MCPH1: variants seen among roughly 807,000 people sequenced by gnomAD.
MCPH1 encodes the protein microcephalin 1, also known as microcephalin.
A neutral mutation model predicts 84.5 loss-of-function variants in MCPH1; 104 were observed. The observed-to-expected ratio is 1.23, with a 90% CI of 1.05 to 1.45. MCPH1 has a LOEUF of 1.45. Ranked by LOEUF, MCPH1 falls within the 40% of genes most tolerant of loss-of-function variation. MCPH1 has a pLI of 0.00. For missense variants in MCPH1, 1,498 were observed against 1,005.7 expected (o/e 1.49, Z -6.62); for synonymous variants, 514 against 366.8 (o/e 1.40, Z -4.58).
chr8:6,519,897 C>A (rs753656054), intron 12 of MCPH1: 1 of 1,614,040 alleles, frequency 6.2e-7, no homozygotes, highest in Non-Finnish European at 8.5e-7. Flanking sequence ...GGAATGTTAA[C>A]GTGTAGATGC....
chr8:6,569,485 C>T (rs1373071525), intron 12 of MCPH1, among the ~76,000 whole-genome samples: 1 of 152,128 alleles, frequency 6.6e-6, no homozygotes, highest in African/African-American at 2.4e-5. Context: ...ACAGTTCCAG[C>T]CATGGGATTT....
chr8:6,468,649 T>G (rs1430632960), intron 9 of MCPH1, among the ~76,000 whole-genome samples: 1,694 of 148,404 alleles, frequency 0.011, 34 homozygotes, highest in African/African-American at 0.042. Flanking sequence ...TTTTTTGGTT[T>G]TTTTTTTTTT....
chr8:6,549,685 G>A (rs922615702), intron 12 of MCPH1, among the ~76,000 whole-genome samples: 1 of 139,088 alleles, frequency 7.2e-6, no homozygotes, highest in Non-Finnish European at 1.5e-5. Flanking sequence ...GAAGCCTTCC[G>A]TATCGAGCTG....
intron 11 of MCPH1, among the ~76,000 whole-genome samples, chr8:6,496,786 A>G (rs903261540): frequency 2.6e-5 from 4 of 152,192 alleles, no homozygotes; most frequent in Non-Finnish European, 4.4e-5. Flanking sequence ...GCTTCATGTT[A>G]CAGTTGTATT....
chr8:6,499,108 C>T (rs1164321999), intron 11 of MCPH1, among the ~76,000 whole-genome samples: 1 of 147,682 alleles, frequency 6.8e-6, no homozygotes, highest in African/African-American at 2.5e-5. Flanking sequence ...ATAAAATAAA[C>T]ATGAATTGTA....
rs146324763 is a variant in MCPH1 at position 6,544,597 on chromosome 8, A to C, written c.2214+44668A>C. On this transcript the variant is annotated intron_variant, in intron 12 of 13. Transcript: ENST00000344683. ...TGTCATTCATGTATTGGAGGGGGAG[A>C]GGGTTGAGTAAGAACCGACATGCAC... Among the ~76,000 whole-genome samples, 469 of 152,166 alleles carry C rather than the reference A, an allele frequency of 3.1e-3. 3 individuals are homozygous for C. Among genetic ancestry groups the C allele is most frequent in the African/African-American group, 0.011 (452 of 41,512 alleles).
intron 12 of MCPH1, among the ~76,000 whole-genome samples, chr8:6,536,391 T>C (rs986904964): frequency 1.0e-5 from 1 of 95,956 alleles, no homozygotes; most frequent in Non-Finnish European, 2.3e-5. Flanking sequence ...CGCTTCATAC[T>C]TTTCCAGCCT....
chr8:6,593,916 A>G (rs1428413965), intron 12 of MCPH1, among the ~76,000 whole-genome samples: 1 of 152,192 alleles, frequency 6.6e-6, no homozygotes, highest in Non-Finnish European at 1.5e-5. Flanking sequence ...CTCCCATCAG[A>G]AGGACCCCCG....
chr8:6,559,019 G>GTAAT (rs1372119911), intron 12 of MCPH1, among the ~76,000 whole-genome samples: 1 of 151,960 alleles, frequency 6.6e-6, no homozygotes, highest in Non-Finnish European at 1.5e-5. Context: ...TTACTATATA[G>GTAAT]TAATACTAAC....
intron 12 of MCPH1, among the ~76,000 whole-genome samples, chr8:6,530,339 C>G (rs747560695): frequency 1.3e-5 from 2 of 151,994 alleles, no homozygotes; most frequent in Non-Finnish European, 2.9e-5. Context: ...GAAACCCTGT[C>G]TCTACTAAAA....
intron 12 of MCPH1, among the ~76,000 whole-genome samples, chr8:6,590,343 G>A (rs1828359539): frequency 6.6e-6 from 1 of 152,216 alleles, no homozygotes; most frequent in South Asian, 2.1e-4. Context: ...CCTCATGCAT[G>A]AAGTGAATGG....
At chr8:6,476,620 A>G (rs1808493457) in intron 9 of MCPH1, among the ~76,000 whole-genome samples, 1 of 152,182 alleles carries the variant, frequency 6.6e-6, no homozygotes, top group African/African-American at 2.4e-5. Flanking sequence ...CCCAACAGAG[A>G]CAAGATCTCT....
chr8:6,514,858 C>A lies in MCPH1; in HGVS notation c.2214+14929C>A, dbSNP rs1220253788. The A allele has an allele frequency of 2.4e-6, 3 of 1,247,740 alleles. No homozygotes were observed. The African/African-American group carries it at 4.4e-5, about 18-fold the overall frequency. 77.3% of individuals were successfully genotyped at this position (1,247,740 alleles called of 1,614,324 possible). A position where few individuals can be genotyped will look rare whatever the true frequency, so the allele number is the denominator to read the frequency against. ...GTAGCAGAAGCAGGAGGAATGTAGACCCTGAGTGCAGGACTCAGCCGAGAG... is the reference window on the plus strand; with the variant it reads ...GTAGCAGAAGCAGGAGGAATGTAGAACCTGAGTGCAGGACTCAGCCGAGAG... On this transcript the variant is annotated intron_variant, in intron 12 of 13. Coordinates refer to ENST00000344683, the MANE Select transcript of MCPH1 (RefSeq NM_024596.5).
At chr8:6,625,264 G>C in intron 13 of MCPH1, 1 of 985,478 alleles carries the variant, frequency 1.0e-6, no homozygotes. Context: ...GCTGGTTAAA[G>C]GAGGAAACAC....
intron 9 of MCPH1, among the ~76,000 whole-genome samples, chr8:6,468,235 G>C (rs911814645): frequency 6.6e-6 from 1 of 152,136 alleles, no homozygotes; most frequent in Non-Finnish European, 1.5e-5. Context: ...CCCTTATTGT[G>C]GGTAGGCTGG....
In MCPH1 at chr8:6,444,823, G is replaced by C. The variant is rs201084851; in HGVS notation, c.1101G>C (p.Pro367=). The C allele has an allele frequency of 8.7e-6, 14 of 1,614,088 alleles. No individual in the cohort carries two copies. The East Asian group carries it at 2.9e-4, about 33-fold the overall frequency. ...KRVSHGSHSP[P]KEKCKRKRST... The stretch of plus-strand genomic sequence containing the variant: ...TATCACATGGCTCCCATTCACCTCC[G>C]AAGGAAAAATGCAAGAGAAAGAGGA... The change falls in exon 8 of 14, where the codon CCG becomes CCC. Residue 367 remains proline, a synonymous_variant. Coordinates refer to ENST00000344683, the MANE Select transcript of MCPH1 (RefSeq NM_024596.5).
intron 12 of MCPH1, among the ~76,000 whole-genome samples, chr8:6,556,789 C>G (rs549335261): frequency 1.3e-5 from 2 of 152,106 alleles, no homozygotes; most frequent in East Asian, 3.9e-4. Context: ...GGGTCTCACT[C>G]TGTTGACCAG....
chr8:6,441,998 TC>T (rs1204526849), intron 6 of MCPH1, 68 bp from the exon 7 acceptor site: 78 of 1,064,984 alleles, frequency 7.3e-5, no homozygotes, highest in Admixed American at 3.1e-4. Context: ...TAGGAGGACT[TC>T]CTGCTGGCTT....
At chr8:6,498,631 T>G (rs1811568695) in intron 11 of MCPH1, among the ~76,000 whole-genome samples, 3 of 152,222 alleles carry the variant, frequency 2.0e-5, no homozygotes, top group African/African-American at 2.4e-5. Flanking sequence ...CGCACGCATT[T>G]TTAAGGCTGG....
Sources: allele counts gnomAD v4.1 joint callset (sites outside exome capture counted in the v4.1 genomes callset), GRCh38; gene constraint gnomAD v4.1.1; transcripts MANE v1.5; gene names NCBI Gene and HGNC (gene_info 2026-07-23, HGNC 2026-07-21).